SGCD: variants seen among roughly 807,000 people sequenced by gnomAD.
SGCD encodes the protein delta-sarcoglycan.
SGCD carries 18 observed loss-of-function variants against 36.6 expected under a neutral mutation model. That is an observed-to-expected ratio of 0.49 (90% confidence interval 0.34 to 0.73). The LOEUF (loss-of-function observed/expected upper bound fraction) is 0.73. Ranked by LOEUF, SGCD falls within the 30% of genes least tolerant of loss-of-function variation. SGCD has a pLI of 0.01. For missense variants in SGCD, 387 were observed against 346.7 expected (o/e 1.12, Z -0.92); for synonymous variants, 133 against 130.6 (o/e 1.02, Z -0.12).
At chr5:155,867,694 T>TTGTAGCTGTAGTCATTACAGAGCCTA (rs1181337105), upstream of SGCD, among the ~76,000 whole-genome samples, 2 of 152,180 alleles carry the variant, frequency 1.3e-5, no homozygotes, top group Non-Finnish European at 2.9e-5. Flanking sequence ...GCAGCAGCAG[T>TTGTAGCTGTAGTCATTACAGAGCCTA]TGTAGCTGTA....
Position 156,311,072 on chromosome 5 carries a change from A to G in SGCD, c.-43-18462A>G, listed in dbSNP as rs549772016. Among the ~76,000 whole-genome samples the G allele has an allele frequency of 4.5e-4, 69 of 152,348 alleles. 1 individual carries two copies. The highest frequency in any genetic ancestry group is 3.4e-3 in the Middle Eastern group (1 of 294). On this transcript the variant is annotated intron_variant, in intron 3 of 9. Coordinates refer to the SGCD transcript ENST00000517913. ...ACTTGGTGAGTTTAAGAGGTGAATA[A>G]ACAGAGTTGTGTTAAAGGTGGATGA...
intron 3 of SGCD, among the ~76,000 whole-genome samples, chr5:156,392,391 C>A (rs1178017506): frequency 6.6e-6 from 1 of 152,146 alleles, no homozygotes; most frequent in Non-Finnish European, 1.5e-5. Flanking sequence ...TAGGACGTTC[C>A]ATGAGGGTGT....
chr5:155,950,551 A>G (rs1048135762), intron 1 of SGCD, among the ~76,000 whole-genome samples: 1 of 152,198 alleles, frequency 6.6e-6, no homozygotes, highest in Non-Finnish European at 1.5e-5. Flanking sequence ...GGGTTGGATG[A>G]GCACCATACC....
chr5:156,354,663 T>C (rs1017788767), intron 3 of SGCD, among the ~76,000 whole-genome samples: 1 of 152,216 alleles, frequency 6.6e-6, no homozygotes, highest in African/African-American at 2.4e-5. Context: ...CATTCACACA[T>C]GGAAACTTCA....
intron 4 of SGCD, among the ~76,000 whole-genome samples, chr5:156,581,664 A>C (rs1292093605): frequency 2.6e-5 from 4 of 152,154 alleles, no homozygotes; most frequent in Non-Finnish European, 4.4e-5. Context: ...GCTGCCTCGC[A>C]GGTTGATCTC....
chr5:156,504,314 C>T (rs1756593521), intron 3 of SGCD, among the ~76,000 whole-genome samples: 1 of 150,210 alleles, frequency 6.7e-6, no homozygotes, highest in Non-Finnish European at 1.5e-5. Context: ...GAGTATAATT[C>T]CCCCTAGAAT....
At chr5:156,003,667 T>C (rs1758704880) in intron 1 of SGCD, among the ~76,000 whole-genome samples, 1 of 152,206 alleles carries the variant, frequency 6.6e-6, no homozygotes, top group South Asian at 2.1e-4. Context: ...GATATAAAGG[T>C]GGTCAAAGCA....
intron 6 of SGCD, among the ~76,000 whole-genome samples, chr5:156,607,494 G>C (rs1761527275): frequency 1.3e-5 from 2 of 152,166 alleles, no homozygotes; most frequent in South Asian, 4.1e-4. Context: ...CAGGGATATT[G>C]GTCTAAAATT....
In SGCD at chr5:155,937,493, A is replaced by G. The variant is rs535551438; in HGVS notation, c.-282+67069A>G. Among the ~76,000 whole-genome samples, 3 of 152,350 alleles carry G rather than the reference A, an allele frequency of 2.0e-5. No individual in the cohort carries two copies. In the East Asian group the frequency reaches 5.8e-4, roughly 29 times the overall value. ...AAGGGCAGAAGAAATGCCTGCATCC[A>G]TAAAAGAAGTGGAGGGAGAAAGGAA... On this transcript the variant is annotated intron_variant, in intron 1 of 9. Transcript: ENST00000517913.
chr5:156,306,984 A>G (rs1268589839), intron 3 of SGCD, among the ~76,000 whole-genome samples: 2 of 150,968 alleles, frequency 1.3e-5, no homozygotes, highest in African/African-American at 4.9e-5. Flanking sequence ...TTTTTCTGAT[A>G]TTAATATAAC....
chr5:155,746,475 A>G, the SGCD span, among the ~76,000 whole-genome samples: 1 of 152,314 alleles, frequency 6.6e-6, no homozygotes, highest in South Asian at 2.1e-4. Flanking sequence ...TTAAAGAGAC[A>G]GTATACTCTG....
At chr5:155,740,639 TG>T in the SGCD span, among the ~76,000 whole-genome samples, 1 of 152,192 alleles carries the variant, frequency 6.6e-6, no homozygotes, top group African/African-American at 2.4e-5. Context: ...GATTACAAAT[TG>T]GTCTTGAGCA....
intron 1 of SGCD, among the ~76,000 whole-genome samples, chr5:156,025,808 A>G (rs1487173353): frequency 1.3e-5 from 2 of 152,198 alleles, no homozygotes; most frequent in South Asian, 4.1e-4. Flanking sequence ...AAAGCAAAAC[A>G]CTGTTGGAAT....
At chr5:156,643,180 G>C (rs920282211) in intron 6 of SGCD, among the ~76,000 whole-genome samples, 1 of 151,838 alleles carries the variant, frequency 6.6e-6, no homozygotes, top group African/African-American at 2.4e-5. Context: ...TTACAGGAAT[G>C]CACCACCACG....
At chr5:156,533,650 T>C (rs1445976025) in intron 4 of SGCD, among the ~76,000 whole-genome samples, 1 of 152,170 alleles carries the variant, frequency 6.6e-6, no homozygotes, top group East Asian at 1.9e-4. Context: ...GAGTGACTCT[T>C]TTCTTAGGTT....
At chr5:156,229,705 T>C (rs1764964638) in intron 3 of SGCD, among the ~76,000 whole-genome samples, 1 of 152,164 alleles carries the variant, frequency 6.6e-6, no homozygotes, top group Non-Finnish European at 1.5e-5. Flanking sequence ...TATTTGGATG[T>C]CTAGGGCTCT....
intron 1 of SGCD, among the ~76,000 whole-genome samples, chr5:155,948,239 C>T (rs11948724): frequency 0.61 from 92,629 of 152,034 alleles, 28,750 homozygotes; most frequent in African/African-American, 0.7. Flanking sequence ...GTGGTGCCAC[C>T]GCACTCCAGC....
chr5:156,623,905 G>A (rs142191481), intron 6 of SGCD, among the ~76,000 whole-genome samples: 302 of 152,260 alleles, frequency 2.0e-3, no homozygotes, highest in African/African-American at 7.0e-3. Context: ...GGGTGTCCCA[G>A]CACAAGAGCC....
chr5:156,022,797 A>G (rs1225611922), intron 1 of SGCD, among the ~76,000 whole-genome samples: 1 of 152,124 alleles, frequency 6.6e-6, no homozygotes, highest in Non-Finnish European at 1.5e-5. Flanking sequence ...TTATGCCACA[A>G]TAAAAAGATA....
Sources: gnomAD v4.1 joint callset for allele counts (sites outside exome capture counted in the v4.1 genomes callset) on GRCh38, gnomAD v4.1.1 for gene constraint, MANE v1.5 for transcripts, NCBI Gene and HGNC (gene_info 2026-07-23, HGNC 2026-07-21) for gene names.